The following KCNMA1 variants were observed in gnomAD, a reference collection of about 807,000 sequenced individuals.
The protein encoded by KCNMA1 is potassium calcium-activated channel subfamily M alpha 1.
KCNMA1 carries 29 observed loss-of-function variants against 140.0 expected under a neutral mutation model. The ratio of observed to expected loss-of-function variants is 0.21; its 90% CI spans 0.15 to 0.28. The LOEUF (loss-of-function observed/expected upper bound fraction) is 0.28, where lower values mean the gene tolerates loss of function less well. Among genes scored for constraint, KCNMA1 ranks in the 10% least tolerant of loss-of-function variants. The pLI is 1.00. For missense variants in KCNMA1, 880 were observed against 1,602.2 expected, an observed-to-expected ratio of 0.55 and a Z score of 7.70; for synonymous variants, 612 against 611.9, an observed-to-expected ratio of 1.00 and a Z score of 0.00.
Position 76,915,043 on chromosome 10 carries a change from G to A in KCNMA1, c.2909C>T (p.Thr970Ile), listed in dbSNP as rs200219441. ...AGAGGATCTATCCATTCCTGGAGGT[G>A]TGAACCCTAGTGGGAAGGAAACAGA... Reference protein sequence around the residue: ...GVLQANSQGFTPPGMDRSSPD... With the variant: ...GVLQANSQGFIPPGMDRSSPD... The change falls in exon 24 of 28, where the codon ACA (threonine) becomes ATA (isoleucine). Residue 970 changes from threonine to isoleucine, a missense_variant. Thr to Ile is a moderately conservative substitution (Grantham distance 89). Transcript: ENST00000286628. 1 of 1,609,206 alleles carries A rather than the reference G, an allele frequency of 6.2e-7. No homozygotes were observed. The highest frequency in any genetic ancestry group is 8.5e-7 in the Non-Finnish European group (1 of 1,175,884).
chr10:77,304,226 G>T (rs1164783689), intron 2 of KCNMA1, among the ~76,000 whole-genome samples: 6 of 152,218 alleles, frequency 3.9e-5, no homozygotes, highest in Non-Finnish European at 8.8e-5. Flanking sequence ...CTCTACTAGG[G>T]AGGCCCCTGA....
intron 2 of KCNMA1, among the ~76,000 whole-genome samples, chr10:77,379,827 T>A (rs1356110304): frequency 6.6e-6 from 1 of 152,118 alleles, no homozygotes; most frequent in African/African-American, 2.4e-5. Flanking sequence ...TGTATTATGT[T>A]TCAATACAAA....
intron 1 of KCNMA1, among the ~76,000 whole-genome samples, chr10:77,532,961 C>G (rs2058039959): frequency 6.6e-6 from 1 of 152,214 alleles, no homozygotes; most frequent in Non-Finnish European, 1.5e-5. Context: ...TGAAATCACT[C>G]TCTTCCTTAG....
At chr10:77,165,455 A>G (rs1040545683) in intron 5 of KCNMA1, among the ~76,000 whole-genome samples, 4 of 152,244 alleles carry the variant, frequency 2.6e-5, no homozygotes, top group African/African-American at 4.8e-5. Context: ...TGATAGGCAA[A>G]AAGTAAAGTG....
intron 1 of KCNMA1, among the ~76,000 whole-genome samples, chr10:77,572,624 C>T (rs1179450665): frequency 1.1e-5 from 1 of 94,290 alleles, no homozygotes; most frequent in African/African-American, 4.1e-5. Flanking sequence ...GGCATGGTGG[C>T]ATGTGCCTAT....
In KCNMA1 at chr10:77,223,730, C is replaced by T. The variant is rs79126542; in HGVS notation, c.602+27465G>A. On this transcript the variant is annotated intron_variant, in intron 3 of 27. Transcript: ENST00000286628. ...CTAACCACAGATGACTTCTTTACAC[C>T]GCACGGTTGCAGATAGCACAGTTTC... is the stretch of plus-strand genomic sequence containing the variant. 4.3e-3 allele frequency among the ~76,000 whole-genome samples: 660 copies of T among 152,196 alleles called. 2 individuals carry two copies. The highest frequency in any genetic ancestry group is 7.5e-3 in the Non-Finnish European group (511 of 68,018).
chr10:77,560,793 C>T (rs2066108913), intron 1 of KCNMA1, among the ~76,000 whole-genome samples: 2 of 152,194 alleles, frequency 1.3e-5, no homozygotes, highest in Admixed American at 6.5e-5. Flanking sequence ...TGGGTTTGGG[C>T]CCAGCCTCTA....
chr10:76,914,073 T>C, intron 24 of KCNMA1: 3 of 1,550,300 alleles, frequency 1.9e-6, no homozygotes, highest in Non-Finnish European at 2.6e-6. Context: ...CAGTTATCAT[T>C]AGAATGTGCG....
chr10:77,201,217 G>A (rs138900795), intron 3 of KCNMA1, among the ~76,000 whole-genome samples: 440 of 152,262 alleles, frequency 2.9e-3, no homozygotes, highest in Admixed American at 0.016. Flanking sequence ...AATTTTAACC[G>A]TGGTGGGAGC....
intron 1 of KCNMA1, among the ~76,000 whole-genome samples, chr10:77,416,265 C>T (rs2096739856): frequency 6.6e-6 from 1 of 152,126 alleles, no homozygotes; most frequent in Non-Finnish European, 1.5e-5. Flanking sequence ...GGGATGGAGG[C>T]ATGGTCTCTC....
chr10:77,419,952 C>T (rs988142694), intron 1 of KCNMA1, among the ~76,000 whole-genome samples: 2 of 152,162 alleles, frequency 1.3e-5, no homozygotes, highest in Non-Finnish European at 2.9e-5. Flanking sequence ...GGCTAGAGGC[C>T]CCAGAGAACT....
intron 2 of KCNMA1, among the ~76,000 whole-genome samples, chr10:77,320,895 T>C (rs1405582419): frequency 6.6e-6 from 1 of 152,184 alleles, no homozygotes; most frequent in Non-Finnish European, 1.5e-5. Context: ...TACGTCATTG[T>C]CCACCTCCAG....
intron 3 of KCNMA1, among the ~76,000 whole-genome samples, chr10:77,239,440 T>C (rs1183511490): frequency 2.0e-5 from 3 of 152,202 alleles, no homozygotes; most frequent in African/African-American, 7.2e-5. Flanking sequence ...GGCAGGTCTC[T>C]GCATGGGTGT....
At chr10:77,290,350 A>G (rs140960869) in intron 2 of KCNMA1, among the ~76,000 whole-genome samples, 3 of 152,350 alleles carry the variant, frequency 2.0e-5, no homozygotes, top group Admixed American at 2.0e-4. Context: ...CTTTTGAAAT[A>G]AAAAGGGCAT....
intron 23 of KCNMA1, among the ~76,000 whole-genome samples, chr10:76,937,526 A>G (rs191792039): frequency 6.6e-6 from 1 of 152,330 alleles, no homozygotes; most frequent in Admixed American, 6.5e-5. Context: ...GAGGTCCTCA[A>G]TGCATTCTGT....
intron 5 of KCNMA1, among the ~76,000 whole-genome samples, chr10:77,146,365 C>T (rs980958289): frequency 2.0e-5 from 3 of 152,072 alleles, no homozygotes; most frequent in African/African-American, 7.2e-5. Flanking sequence ...GAGACCCTGG[C>T]TGCTTATATG....
intron 23 of KCNMA1, among the ~76,000 whole-genome samples, chr10:76,923,092 C>T (rs1357320287): frequency 6.6e-6 from 1 of 152,142 alleles, no homozygotes; most frequent in East Asian, 1.9e-4. Flanking sequence ...GAATAAAGTG[C>T]CCCATCCTTT....
At chr10:77,455,304 T>G (rs1233931101) in intron 1 of KCNMA1, among the ~76,000 whole-genome samples, 1 of 152,042 alleles carries the variant, frequency 6.6e-6, no homozygotes, top group Non-Finnish European at 1.5e-5. Flanking sequence ...GTCAAATAAT[T>G]AATGGAACTC....
Position 77,084,540 on chromosome 10 carries a change from G to C in KCNMA1, c.1523+97C>G, listed in dbSNP as rs995854766. On this transcript the variant is annotated intron_variant, in intron 12 of 27. Coordinates refer to ENST00000286628, the MANE Select transcript of KCNMA1 (RefSeq NM_001161352.2). ...TGTACAGTGGCTTGTGGGGCAAAAA[G>C]GCCTCATAGAGATAGTCCTCTGCAG... 5.4e-5 allele frequency: 49 copies of C among 913,382 alleles called. No individual in the cohort carries two copies. The Middle Eastern group carries it at 8.8e-4, about 16-fold the overall frequency. The allele number at this position is 913,382 out of a possible 1,614,324, so 56.6% of individuals were successfully genotyped here.
Sources: gnomAD v4.1 joint callset for allele counts (sites outside exome capture counted in the v4.1 genomes callset) on GRCh38, gnomAD v4.1.1 for gene constraint, MANE v1.5 for transcripts, NCBI Gene and HGNC (gene_info 2026-07-23, HGNC 2026-07-21) for gene names.